The following DPP6 variants were observed in gnomAD, a reference collection of about 807,000 sequenced individuals.
DPP6 encodes A-type potassium channel modulatory protein DPP6.
In DPP6, 69 loss-of-function variants were observed where a neutral mutation model predicts 122.6. That is an observed-to-expected ratio of 0.56 (90% CI 0.46 to 0.69). DPP6 has a LOEUF of 0.69. Among genes scored for constraint, DPP6 ranks in the 30% least tolerant of loss-of-function variants. DPP6 has a pLI of 0.00. For synonymous variants in DPP6, 418 were observed against 433.1 expected, an observed-to-expected ratio of 0.97 and a Z score of 0.43; for missense variants, 928 against 1,116.9, an observed-to-expected ratio of 0.83 and a Z score of 2.41.
chr7:153,787,180 A>G, the DPP6 span, among the ~76,000 whole-genome samples: 3 of 135,808 alleles, frequency 2.2e-5, no homozygotes, highest in Admixed American at 7.3e-5. Flanking sequence ...TTGATCTCCT[A>G]ACCTCGTGAT....
At chr7:154,268,319 A>G (rs191280129) in intron 1 of DPP6, among the ~76,000 whole-genome samples, 174 of 152,344 alleles carry the variant, frequency 1.1e-3, no homozygotes, top group African/African-American at 4.0e-3. Flanking sequence ...CTTATAAACA[A>G]GAGAAATGTA....
intron 1 of DPP6, among the ~76,000 whole-genome samples, chr7:154,238,619 G>A (rs1316250637): frequency 6.6e-6 from 1 of 152,160 alleles, no homozygotes; most frequent in Non-Finnish European, 1.5e-5. Context: ...GCTGGGATTT[G>A]AACTCAAGCA....
chr7:154,299,024 A>G (rs763736052), intron 1 of DPP6, among the ~76,000 whole-genome samples: 1 of 152,230 alleles, frequency 6.6e-6, no homozygotes, highest in Non-Finnish European at 1.5e-5. Flanking sequence ...TACTGGACAC[A>G]GGAGAAATGT....
intron 1 of DPP6, among the ~76,000 whole-genome samples, chr7:154,056,950 ACTGT>A (rs1800876867): frequency 6.6e-6 from 1 of 152,302 alleles, no homozygotes; most frequent in Non-Finnish European, 1.5e-5. Flanking sequence ...AAATCTTTCA[ACTGT>A]CTATTTGATC....
rs145349273 is a variant in DPP6, at chr7:154,266,379, C to G, written c.244-179835C>G. Among the ~76,000 whole-genome samples, 283 of 152,148 alleles carry G rather than the reference C, an allele frequency of 1.9e-3. 2 individuals carry two copies. The highest frequency in any genetic ancestry group is 6.5e-3 in the African/African-American group (271 of 41,512). On this transcript the variant is annotated intron_variant, in intron 1 of 25. Transcript: ENST00000377770. ...AAGGGACACCTGACCTCAGGTGATC[C>G]GCCAGCCTTGGCCTCCCAAAGTGAC... is the stretch of plus-strand genomic sequence containing the variant.
chr7:154,806,960 C>T, intron 15 of DPP6, 34 bp from the exon 16 acceptor site: 1 of 1,609,670 alleles, frequency 6.2e-7, no homozygotes, highest in South Asian at 1.1e-5. Flanking sequence ...CTCCTCTCCG[C>T]CCACATTCAC....
At chr7:153,919,747 C>T (rs1022512121) in intron 1 of DPP6, among the ~76,000 whole-genome samples, 3 of 152,150 alleles carry the variant, frequency 2.0e-5, no homozygotes, top group African/African-American at 7.2e-5. Context: ...ATGAAAGCTT[C>T]GGCCTCTGTT....
intron 8 of DPP6, among the ~76,000 whole-genome samples, chr7:154,731,992 G>A (rs1158262981): frequency 6.6e-6 from 1 of 151,500 alleles, no homozygotes; most frequent in East Asian, 1.9e-4. Flanking sequence ...GGTTGATTGT[G>A]TTTCCAGCTG....
chr7:154,342,381 G>T (rs911513431), intron 1 of DPP6, among the ~76,000 whole-genome samples: 1 of 152,214 alleles, frequency 6.6e-6, no homozygotes, highest in Non-Finnish European at 1.5e-5. Flanking sequence ...GCCTTCACAT[G>T]TTTGGGGGTT....
intron 1 of DPP6, among the ~76,000 whole-genome samples, chr7:154,205,346 C>T (rs1799385928): frequency 6.6e-6 from 1 of 152,190 alleles, no homozygotes; most frequent in Non-Finnish European, 1.5e-5. Flanking sequence ...TCCCTCCAAG[C>T]CCTACCCATC....
intron 1 of DPP6, among the ~76,000 whole-genome samples, chr7:154,221,302 A>G (rs573840492): frequency 6.6e-6 from 1 of 152,104 alleles, no homozygotes; most frequent in East Asian, 1.9e-4. Context: ...CACCATGCCC[A>G]GCTAATTTTT....
chr7:154,704,659 C>A (rs1293736695), intron 7 of DPP6, among the ~76,000 whole-genome samples: 2 of 152,220 alleles, frequency 1.3e-5, no homozygotes, highest in Non-Finnish European at 2.9e-5. Context: ...CGATGACTCA[C>A]CGAAGGCTTA....
intron 1 of DPP6, among the ~76,000 whole-genome samples, chr7:153,977,198 G>T (rs1401956198): frequency 6.7e-6 from 1 of 149,628 alleles, no homozygotes; most frequent in Non-Finnish European, 1.5e-5. Context: ...TACCAATAGG[G>T]GTGTGTGTGT....
intron 1 of DPP6, among the ~76,000 whole-genome samples, chr7:154,144,171 C>T (rs919965251): frequency 3.3e-5 from 5 of 152,122 alleles, no homozygotes; most frequent in Non-Finnish European, 7.4e-5. Context: ...TGTTTATTGA[C>T]CTTTTTCTCT....
chr7:154,150,386 C>A (rs756196785), intron 1 of DPP6, among the ~76,000 whole-genome samples: 2 of 152,156 alleles, frequency 1.3e-5, no homozygotes, highest in Non-Finnish European at 2.9e-5. Context: ...CGCCTGCCAA[C>A]CTGCTGACCT....
rs1806854708 is a variant in DPP6, at chr7:154,894,018, T to G, written c.*1538T>G. 1 of 152,110 alleles carries G rather than the reference T, an allele frequency of 6.6e-6. No homozygotes were observed. Among genetic ancestry groups the G allele is most frequent in the Non-Finnish European group, 1.5e-5 (1 of 68,018 alleles). The allele number at this position is 152,110 out of a possible 1,614,324, so 9.4% of individuals were successfully genotyped here. A position where few individuals can be genotyped will look rare whatever the true frequency, so the allele number is the denominator to read the frequency against. ...TATCCACATGAGCTCTGAACGTCCG[T>G]TATAGTTAGGGTGATTGGAAGGTCT... On this transcript the variant is annotated 3_prime_UTR_variant, in exon 26 of 26. Coordinates refer to ENST00000377770, the MANE Select transcript of DPP6 (RefSeq NM_130797.4).
chr7:154,305,624 G>C lies in DPP6; in HGVS notation c.244-140590G>C. ...CATGCGTGCATATGTGTGTGCATGA[G>C]AGAGACAGAGACAGAGAGGGAGGAT... On this transcript the variant is annotated intron_variant, in intron 1 of 25. Coordinates refer to ENST00000377770, the MANE Select transcript of DPP6 (RefSeq NM_130797.4). 8.5e-6 allele frequency: 13 copies of C among 1,530,280 alleles called. No homozygotes were observed. In the South Asian group the frequency reaches 1.6e-4, roughly 18 times the overall value. 94.8% of individuals were successfully genotyped at this position (1,530,280 alleles called of 1,614,324 possible). A position where few individuals can be genotyped will look rare whatever the true frequency, so the allele number is the denominator to read the frequency against.
chr7:154,059,543 T>C (rs1484341268), intron 1 of DPP6: 1 of 150,682 alleles, frequency 6.6e-6, no homozygotes, highest in Admixed American at 6.6e-5. Context: ...GAGAGAATTC[T>C]TAGGAGCTGT....
intron 5 of DPP6, among the ~76,000 whole-genome samples, chr7:154,598,558 T>C (rs1487091054): frequency 6.6e-6 from 1 of 152,192 alleles, no homozygotes; most frequent in African/African-American, 2.4e-5. Context: ...ACCTTATAAA[T>C]AGATGACAGC....
Sources: gnomAD v4.1 joint callset for allele counts (sites outside exome capture counted in the v4.1 genomes callset) on GRCh38, gnomAD v4.1.1 for gene constraint, MANE v1.5 for transcripts, NCBI Gene and HGNC (gene_info 2026-07-23, HGNC 2026-07-21) for gene names.